Variants in ZNF385D observed in about 807,000 individuals in gnomAD.
ZNF385D encodes the protein zinc finger protein 385D, also known as zinc finger protein 659.
A neutral mutation model predicts 35.8 loss-of-function variants in ZNF385D; 15 were observed. The ratio of observed to expected loss-of-function variants is 0.42; its 90% CI spans 0.28 to 0.64. The LOEUF (loss-of-function observed/expected upper bound fraction) is 0.64, where lower values mean the gene tolerates loss of function less well. ZNF385D is among the 30% of genes least tolerant of loss of function. ZNF385D has a pLI of 0.23. For missense variants in ZNF385D, 474 were observed against 494.6 expected, an observed-to-expected ratio of 0.96 and a Z score of 0.39; for synonymous variants, 212 against 186.8, an observed-to-expected ratio of 1.13 and a Z score of -1.10.
intron 3 of ZNF385D, among the ~76,000 whole-genome samples, chr3:22,029,635 T>C (rs1370572155): frequency 1.3e-5 from 2 of 152,208 alleles, no homozygotes; most frequent in Non-Finnish European, 2.9e-5. Flanking sequence ...ACTAAGAAAA[T>C]GTCTTCCTTT....
rs551209454 is a variant in ZNF385D, at chr3:22,182,685, A to G, written c.107-13650T>C. Among the ~76,000 whole-genome samples, 19 of 152,220 alleles carry G rather than the reference A, an allele frequency of 1.2e-4. No individual in the cohort carries two copies. In the South Asian group the frequency reaches 3.9e-3, roughly 32 times the overall value. ...ATGGTACCATTTAACATATTTTTCT[A>G]TTATCCAAATAAGTTTGAAAGATTG... On this transcript the variant is annotated intron_variant, in intron 2 of 5. Transcript: ENST00000494108.
rs905362180 is a variant in ZNF385D, at chr3:22,244,336, A to G, written c.107-75301T>C. On this transcript the variant is annotated intron_variant, in intron 2 of 5. Coordinates refer to the ZNF385D transcript ENST00000494108. ...ACTCTCTCGCTCTTACTTAGCTTTGAAGCAAAGTGATACCAGACAACCGAA... is the reference window on the plus strand; with the variant it reads ...ACTCTCTCGCTCTTACTTAGCTTTGGAGCAAAGTGATACCAGACAACCGAA... Among the ~76,000 whole-genome samples the G allele has an allele frequency of 1.5e-5, 2 of 133,282 alleles. 1 individual carries two copies. The highest frequency in any genetic ancestry group is 1.7e-4 in the Admixed American group (2 of 11,766). The allele number at this position is 133,282 out of a possible 152,430, so 87.4% of individuals were successfully genotyped here. A position where few individuals can be genotyped will look rare whatever the true frequency, so the allele number is the denominator to read the frequency against.
intron 3 of ZNF385D, among the ~76,000 whole-genome samples, chr3:21,981,228 T>C (rs540935889): frequency 2.0e-5 from 3 of 152,298 alleles, no homozygotes; most frequent in Admixed American, 2.0e-4. Context: ...CACAAGCATC[T>C]GTTACTTTTT....
chr3:21,723,647 A>G (rs1559553714), intron 1 of ZNF385D, among the ~76,000 whole-genome samples: 2 of 152,244 alleles, frequency 1.3e-5, no homozygotes, highest in East Asian at 1.9e-4. Flanking sequence ...ATATGGGACT[A>G]TGTGAAAAGA....
chr3:21,992,545 A>G (rs1341714559), intron 3 of ZNF385D, among the ~76,000 whole-genome samples: 1 of 152,134 alleles, frequency 6.6e-6, no homozygotes, highest in Non-Finnish European at 1.5e-5. Flanking sequence ...CCCATTTTCC[A>G]TAGGAAGAGG....
chr3:22,184,685 G>A (rs1291462826), intron 2 of ZNF385D, among the ~76,000 whole-genome samples: 1 of 152,162 alleles, frequency 6.6e-6, no homozygotes, highest in Non-Finnish European at 1.5e-5. Context: ...AAATTAGCCA[G>A]GCGTGGTGGC....
chr3:21,715,571 T>A (rs937929540), intron 1 of ZNF385D, among the ~76,000 whole-genome samples: 1 of 151,962 alleles, frequency 6.6e-6, no homozygotes, highest in East Asian at 1.9e-4. Flanking sequence ...TGAGTTCACA[T>A]GCTTTTTTTA....
chr3:22,273,321 C>T (rs1701272164), intron 2 of ZNF385D, among the ~76,000 whole-genome samples: 1 of 151,956 alleles, frequency 6.6e-6, no homozygotes, highest in African/African-American at 2.4e-5. Context: ...GAATAATGAG[C>T]AGCAGACATT....
At chr3:22,284,555 G>T (rs1268083757) in intron 2 of ZNF385D, among the ~76,000 whole-genome samples, 1 of 151,770 alleles carries the variant, frequency 6.6e-6, no homozygotes, top group Non-Finnish European at 1.5e-5. Context: ...TAAATTGTAT[G>T]GTGGACCACA....
chr3:21,923,711 A>C (rs539324297), intron 3 of ZNF385D, among the ~76,000 whole-genome samples: 1 of 152,176 alleles, frequency 6.6e-6, no homozygotes, highest in African/African-American at 2.4e-5. Context: ...TTGCAGCAAC[A>C]TGGATGCAGT....
chr3:21,647,417 CTCTCA>C (rs2065784060), intron 2 of ZNF385D, among the ~76,000 whole-genome samples: 1 of 148,664 alleles, frequency 6.7e-6, no homozygotes. Context: ...TCTTTTCCTT[CTCTCA>C]CTTCCTCACT....
intron 2 of ZNF385D, among the ~76,000 whole-genome samples, chr3:22,291,884 G>A (rs1702319058): frequency 6.6e-6 from 1 of 151,956 alleles, no homozygotes; most frequent in African/African-American, 2.4e-5. Context: ...GTTTTCATAT[G>A]TGAAACTGGT....
chr3:21,679,409 A>G (rs1250244003), intron 1 of ZNF385D, among the ~76,000 whole-genome samples: 3 of 152,072 alleles, frequency 2.0e-5, no homozygotes, highest in Non-Finnish European at 2.9e-5. Flanking sequence ...TAGTAATTTG[A>G]TTCTGAGTTA....
chr3:22,106,733 A>G (rs1280112208), intron 3 of ZNF385D, among the ~76,000 whole-genome samples: 7 of 152,136 alleles, frequency 4.6e-5, no homozygotes, highest in African/African-American at 7.2e-5. Context: ...CAGAATCCCT[A>G]CAAATTGCCT....
intron 4 of ZNF385D, among the ~76,000 whole-genome samples, chr3:21,442,647 A>G (rs1042285147): frequency 7.3e-5 from 11 of 150,898 alleles, no homozygotes; most frequent in Non-Finnish European, 1.3e-4. Flanking sequence ...GCTGTGCTTA[A>G]AAGTCCCTTT....
At chr3:22,093,782 G>T (rs1273426303) in intron 3 of ZNF385D, among the ~76,000 whole-genome samples, 1 of 151,962 alleles carries the variant, frequency 6.6e-6, no homozygotes, top group Non-Finnish European at 1.5e-5. Context: ...TCCCACAGTT[G>T]TTTAGCATTA....
chr3:22,165,329 A>T (rs1706241834), intron 3 of ZNF385D, among the ~76,000 whole-genome samples: 1 of 152,146 alleles, frequency 6.6e-6, no homozygotes, highest in African/African-American at 2.4e-5. Flanking sequence ...TAGTCTATTA[A>T]GAAAAAAAGC....
chr3:21,553,106 A>G (rs748745828), intron 3 of ZNF385D, among the ~76,000 whole-genome samples: 1 of 152,200 alleles, frequency 6.6e-6, no homozygotes, highest in Non-Finnish European at 1.5e-5. Flanking sequence ...AAGCTGAAAA[A>G]GGCAAGCAAC....
intron 4 of ZNF385D, among the ~76,000 whole-genome samples, chr3:21,496,853 A>G (rs1187324240): frequency 1.3e-5 from 2 of 152,064 alleles, no homozygotes; most frequent in African/African-American, 4.8e-5. Context: ...TTAACATCGC[A>G]TCTTATAAAA....
Sources: allele counts gnomAD v4.1 joint callset (sites outside exome capture counted in the v4.1 genomes callset), GRCh38; gene constraint gnomAD v4.1.1; transcripts MANE v1.5; gene names NCBI Gene and HGNC (gene_info 2026-07-23, HGNC 2026-07-21).